DPP6: variants seen among roughly 807,000 people sequenced by gnomAD.
DPP6 encodes A-type potassium channel modulatory protein DPP6.
In DPP6, 69 loss-of-function variants were observed where a neutral mutation model predicts 122.6. The observed-to-expected ratio is 0.56, with a 90% confidence interval of 0.46 to 0.69. The LOEUF (loss-of-function observed/expected upper bound fraction) is 0.69, where lower values mean the gene tolerates loss of function less well. Among genes scored for constraint, DPP6 ranks in the 30% least tolerant of loss-of-function variants. DPP6 has a pLI of 0.00. For synonymous variants in DPP6, 418 were observed against 433.1 expected, an observed-to-expected ratio of 0.97 and a Z score of 0.43; for missense variants, 928 against 1,116.9, an observed-to-expected ratio of 0.83 and a Z score of 2.41.
chr7:154,322,000 A>G (rs1054972067), intron 1 of DPP6, among the ~76,000 whole-genome samples: 9 of 152,012 alleles, frequency 5.9e-5, no homozygotes, highest in African/African-American at 1.7e-4. Flanking sequence ...TATTGCCCTC[A>G]TAGAGAGAAG....
chr7:154,424,393 C>T (rs1295994428), intron 1 of DPP6, among the ~76,000 whole-genome samples: 1 of 152,180 alleles, frequency 6.6e-6, no homozygotes, highest in Non-Finnish European at 1.5e-5. Context: ...GGGCTAATTC[C>T]TTCTGGAGGC....
intron 1 of DPP6, among the ~76,000 whole-genome samples, chr7:154,433,811 C>T (rs1051661867): frequency 6.6e-6 from 1 of 152,180 alleles, no homozygotes; most frequent in African/African-American, 2.4e-5. Context: ...CACTGATTAC[C>T]TTCGCGTTTC....
chr7:154,251,053 A>G (rs893140991), intron 1 of DPP6, among the ~76,000 whole-genome samples: 2 of 152,244 alleles, frequency 1.3e-5, no homozygotes, highest in African/African-American at 4.8e-5. Flanking sequence ...GGGAATAATC[A>G]CACAAAGTAT....
At chr7:154,518,653 AT>A (rs1826728382) in intron 3 of DPP6, among the ~76,000 whole-genome samples, 2 of 152,186 alleles carry the variant, frequency 1.3e-5, no homozygotes, top group Admixed American at 1.3e-4. Flanking sequence ...CAGGTAAAGT[AT>A]TCCCATAGGC....
At chr7:153,989,763 T>C (rs562653432) in intron 1 of DPP6, among the ~76,000 whole-genome samples, 1 of 151,994 alleles carries the variant, frequency 6.6e-6, no homozygotes, top group East Asian at 1.9e-4. Flanking sequence ...GGTGCGAGGT[T>C]TGCCACGTGT....
At chr7:154,866,370 C>T (rs967182158) in intron 17 of DPP6, among the ~76,000 whole-genome samples, 1 of 152,256 alleles carries the variant, frequency 6.6e-6, no homozygotes, top group Non-Finnish European at 1.5e-5. Flanking sequence ...TGCTGCCGCC[C>T]ATCCATTAGG....
At chr7:154,494,173 G>T (rs772249393) in intron 3 of DPP6, among the ~76,000 whole-genome samples, 34 of 152,054 alleles carry the variant, frequency 2.2e-4, no homozygotes, top group Non-Finnish European at 4.4e-4. Flanking sequence ...GGGCAATAAA[G>T]TGAGAAATCA....
chr7:154,003,725 C>G lies in DPP6; in HGVS notation c.51+115991C>G, dbSNP rs529356702. Among the ~76,000 whole-genome samples the G allele has an allele frequency of 2.0e-5, 3 of 152,022 alleles. No individual in the cohort carries two copies. The East Asian group carries it at 5.8e-4, about 29-fold the overall frequency. ...TGCTTGCTTCTGCCTGGGAAGTGGC[C>G]TTGCCAGGGGCATCTTTTCTGAGCA... On this transcript the variant is annotated intron_variant, in intron 1 of 25. Transcript: ENST00000404039.
intron 1 of DPP6, among the ~76,000 whole-genome samples, chr7:153,986,664 T>G (rs1477764568): frequency 3.3e-5 from 5 of 152,204 alleles, no homozygotes; most frequent in African/African-American, 4.8e-5. Flanking sequence ...GCAGGAATCG[T>G]TGGTGAACTT....
chr7:154,620,822 T>G (rs533992855), intron 5 of DPP6, among the ~76,000 whole-genome samples: 2 of 152,340 alleles, frequency 1.3e-5, no homozygotes, highest in African/African-American at 4.8e-5. Flanking sequence ...CCAAATTGTT[T>G]TGGTGGACTC....
At chr7:154,151,237 A>ATGCT in intron 1 of DPP6, among the ~76,000 whole-genome samples, 1 of 152,190 alleles carries the variant, frequency 6.6e-6, no homozygotes, top group African/African-American at 2.4e-5. Context: ...CCGCCCCAGG[A>ATGCT]TGCTTGCCCC....
At chr7:154,580,673 G>A (rs565932441) in intron 5 of DPP6, among the ~76,000 whole-genome samples, 6 of 152,284 alleles carry the variant, frequency 3.9e-5, no homozygotes, top group East Asian at 3.9e-4. Flanking sequence ...GTCCAAAGAC[G>A]TGAGAGGACA....
chr7:153,920,445 C>T (rs1314504036), intron 1 of DPP6, among the ~76,000 whole-genome samples: 1 of 151,846 alleles, frequency 6.6e-6, no homozygotes, highest in Non-Finnish European at 1.5e-5. Context: ...CAAGAGGCCT[C>T]AAAGCAGCGA....
chr7:154,887,553 G>A, intron 22 of DPP6, 123 bp from the exon 23 acceptor site: 1 of 915,140 alleles, frequency 1.1e-6, no homozygotes, highest in East Asian at 2.4e-5. Context: ...CACACAAGTG[G>A]CAAGTGGGAA....
chr7:154,505,847 C>A (rs1825625063), intron 3 of DPP6, among the ~76,000 whole-genome samples: 1 of 152,124 alleles, frequency 6.6e-6, no homozygotes, highest in Non-Finnish European at 1.5e-5. Flanking sequence ...CTATACTGTG[C>A]TCTTTGGAAG....
intron 3 of DPP6, among the ~76,000 whole-genome samples, chr7:154,521,448 G>A (rs1250191834): frequency 6.6e-6 from 1 of 151,824 alleles, no homozygotes; most frequent in Non-Finnish European, 1.5e-5. Flanking sequence ...TTTCAGTGGG[G>A]TTTCAGTGTA....
chr7:154,842,787 C>T (rs1423092186), intron 16 of DPP6, among the ~76,000 whole-genome samples: 11 of 152,170 alleles, frequency 7.2e-5, no homozygotes, highest in South Asian at 2.1e-4. Context: ...GTTTTTATTG[C>T]GGTTATCTCT....
chr7:154,665,781 C>G (rs1838111976), intron 6 of DPP6, among the ~76,000 whole-genome samples: 1 of 152,062 alleles, frequency 6.6e-6, no homozygotes, highest in Non-Finnish European at 1.5e-5. Flanking sequence ...AGATTAAAAA[C>G]CATGAGTTTA....
chr7:154,641,821 T>C (rs1836113369), intron 6 of DPP6, among the ~76,000 whole-genome samples: 1 of 152,186 alleles, frequency 6.6e-6, no homozygotes, highest in South Asian at 2.1e-4. Context: ...TCTGGCAAAC[T>C]CAGAACTGTA....
Sources: gnomAD v4.1 joint callset for allele counts (sites outside exome capture counted in the v4.1 genomes callset) on GRCh38, gnomAD v4.1.1 for gene constraint, MANE v1.5 for transcripts, NCBI Gene and HGNC (gene_info 2026-07-23, HGNC 2026-07-21) for gene names.